The following RFTN1 variants were observed in gnomAD, a reference collection of about 807,000 sequenced individuals.
The protein encoded by RFTN1 is raftlin.
Under a neutral mutation model 46.5 loss-of-function variants are expected in RFTN1, and 26 were observed. That is an observed-to-expected ratio of 0.56 (90% confidence interval 0.41 to 0.78). The LOEUF is 0.78. Ranked by LOEUF, RFTN1 falls within the 30% of genes least tolerant of loss-of-function variation. RFTN1 has a pLI of 0.00. For synonymous variants in RFTN1, 261 were observed against 284.2 expected (o/e 0.92, Z 0.82); for missense variants, 693 against 718.7 (o/e 0.96, Z 0.41).
Position 16,317,260 on chromosome 3 carries a change from T to C in RFTN1, c.1333-28A>G. ...AGAAATCAGAAAGGATGGGGATAAA[T>C]AACAAGCCTCCGGGAACCCAGAGCT... On this transcript the variant is annotated intron_variant, in intron 9 of 9. Transcript: ENST00000334133. This position sits in a 1 kb window ranked among gnomAD's most constrained non-coding sequence, Gnocchi z 4.3. 1 of 1,606,138 alleles carries C rather than the reference T, an allele frequency of 6.2e-7. No individual in the cohort carries two copies. Among genetic ancestry groups the C allele is most frequent in the Non-Finnish European group, 8.5e-7 (1 of 1,179,354 alleles).
At chr3:16,482,382 A>C (rs1454602796) in intron 2 of RFTN1, among the ~76,000 whole-genome samples, 2 of 152,214 alleles carry the variant, frequency 1.3e-5, no homozygotes, top group African/African-American at 2.4e-5. Context: ...CCCACCATCT[A>C]TGATTCACCA....
intron 6 of RFTN1, among the ~76,000 whole-genome samples, chr3:16,369,453 T>C (rs1236105426): frequency 2.0e-5 from 3 of 152,256 alleles, no homozygotes; most frequent in African/African-American, 7.2e-5. Flanking sequence ...TGCCTTCTCG[T>C]TAACCTAAAG....
Position 16,335,553 on chromosome 3 carries a change from A to G in RFTN1, c.1147-8677T>C, listed in dbSNP as rs982425745. 1.3e-5 allele frequency among the ~76,000 whole-genome samples: 2 copies of G among 152,182 alleles called. No homozygotes were observed. The highest frequency in any genetic ancestry group is 4.8e-5 in the African/African-American group (2 of 41,426). On this transcript the variant is annotated intron_variant, in intron 7 of 9. Transcript: ENST00000334133. The surrounding 1 kb of genome is among the most constrained non-coding windows in gnomAD (Gnocchi z 4.7). ...ACATGTTCTCACTTACAAGTGGGAG[A>G]GCTGAACGGTGAAAACACATGTGAA...
rs1185110298 is a variant in RFTN1 at position 16,448,783 on chromosome 3, A to G, written c.146-14746T>C. ...GGCCCCAAACATCCTCCTGAGTCAC[A>G]AGTCTCACCCCATGCGGGGATTACA... On this transcript the variant is annotated intron_variant, in intron 2 of 9. Coordinates refer to ENST00000334133, the MANE Select transcript of RFTN1 (RefSeq NM_015150.2). The surrounding 1 kb of genome is among the most constrained non-coding windows in gnomAD (Gnocchi z 4.1). 1.3e-5 allele frequency among the ~76,000 whole-genome samples: 2 copies of G among 152,124 alleles called. No homozygotes were observed. The highest frequency in any genetic ancestry group is 2.9e-5 in the Non-Finnish European group (2 of 68,024).
rs961876503 is a variant in RFTN1 at position 16,498,738 on chromosome 3, G to A, written c.-8-4861C>T. Among the ~76,000 whole-genome samples the A allele has an allele frequency of 8.5e-5, 13 of 152,234 alleles. No homozygotes were observed. The highest frequency in any genetic ancestry group is 1.2e-4 in the African/African-American group (5 of 41,522). On this transcript the variant is annotated intron_variant, in intron 1 of 9. Transcript: ENST00000334133. This position sits in a 1 kb window ranked among gnomAD's most constrained non-coding sequence, Gnocchi z 5.2. ...CTAGCCTGCTCCCTGCTGCCACACC[G>A]GCATTCCTTTCATTTCGCCCTGGAT... is the stretch of plus-strand genomic sequence containing the variant.
rs942083959 is a variant in RFTN1 at position 16,428,119 on chromosome 3, A to C, written c.332+5732T>G. On this transcript the variant is annotated intron_variant, in intron 3 of 9. Coordinates refer to ENST00000334133, the MANE Select transcript of RFTN1 (RefSeq NM_015150.2). The surrounding 1 kb of genome is among the most constrained non-coding windows in gnomAD (Gnocchi z 4.7). ...GAAATTACATATACATATTTACCTT[A>C]GAAAAATCCAAACAAAAGGGATAAA... Among the ~76,000 whole-genome samples, 1 of 152,256 alleles carries C rather than the reference A, an allele frequency of 6.6e-6. No individual in the cohort carries two copies. Among genetic ancestry groups the C allele is most frequent in the Non-Finnish European group, 1.5e-5 (1 of 68,038 alleles).
At chr3:16,476,462 C>T (rs576162986) in intron 2 of RFTN1, among the ~76,000 whole-genome samples, 1 of 152,178 alleles carries the variant, frequency 6.6e-6, no homozygotes, top group African/African-American at 2.4e-5. Context: ...TTCAGATGAT[C>T]GTAAGTTCCA....
chr3:16,472,148 T>C (rs1559364156), intron 2 of RFTN1: 3 of 151,176 alleles, frequency 2.0e-5, no homozygotes, highest in African/African-American at 7.3e-5. Context: ...CTTGAGGAGT[T>C]AAAGAGGAAA....
At chr3:16,467,458 C>T (rs184507574) in intron 2 of RFTN1, among the ~76,000 whole-genome samples, 13 of 152,354 alleles carry the variant, frequency 8.5e-5, no homozygotes, top group Admixed American at 3.3e-4. Flanking sequence ...CGGCTGCCTC[C>T]GCTGCCCGCC....
chr3:16,420,978 G>A (rs925446843), intron 3 of RFTN1, among the ~76,000 whole-genome samples: 4 of 152,178 alleles, frequency 2.6e-5, no homozygotes, highest in Non-Finnish European at 2.9e-5. Flanking sequence ...GATTCCGACT[G>A]CTTCAGGAAC....
Position 16,446,845 on chromosome 3 carries a change from G to A in RFTN1, c.146-12808C>T, listed in dbSNP as rs985153751. On this transcript the variant is annotated intron_variant, in intron 2 of 9. Coordinates refer to ENST00000334133, the MANE Select transcript of RFTN1 (RefSeq NM_015150.2). This position sits in a 1 kb window ranked among gnomAD's most constrained non-coding sequence, Gnocchi z 4.5. ...CCTGAGTTATTATCATCAAGGTCTC[G>A]ACTCTGTAACAAAATTTCACACTGG... 2.9e-4 allele frequency among the ~76,000 whole-genome samples: 44 copies of A among 152,108 alleles called. No homozygotes were observed. The highest frequency in any genetic ancestry group is 9.9e-4 in the African/African-American group (41 of 41,416).
intron 4 of RFTN1, among the ~76,000 whole-genome samples, chr3:16,379,219 G>A (rs1176453654): frequency 6.6e-6 from 1 of 152,230 alleles, no homozygotes; most frequent in Non-Finnish European, 1.5e-5. Context: ...AGGAGAAGCT[G>A]CCCTGACAGC....
chr3:16,324,602 G>A (rs2069469976), intron 8 of RFTN1, among the ~76,000 whole-genome samples: 1 of 130,434 alleles, frequency 7.7e-6, no homozygotes, highest in Non-Finnish European at 1.6e-5. Flanking sequence ...ATAAATAACA[G>A]AATGTCCCTG....
In RFTN1 at chr3:16,322,454, G is replaced by A. The variant is rs1224863097; in HGVS notation, c.1332+922C>T. ...CGTGAGGAATGCAGGAGTGATGCCA[G>A]GAGTGAGGAGCCGAGCAGGTCAGGC... On this transcript the variant is annotated intron_variant, in intron 9 of 9. Coordinates refer to ENST00000334133, the MANE Select transcript of RFTN1 (RefSeq NM_015150.2). This position sits in a 1 kb window ranked among gnomAD's most constrained non-coding sequence, Gnocchi z 6.2. 1.3e-5 allele frequency among the ~76,000 whole-genome samples: 2 copies of A among 152,240 alleles called. No individual in the cohort carries two copies. Among genetic ancestry groups the A allele is most frequent in the East Asian group, 3.9e-4 (2 of 5,188 alleles).
chr3:16,317,242 A>G lies in RFTN1; in HGVS notation c.1333-10T>C. On this transcript the variant is annotated splice_polypyrimidine_tract_variant and intron_variant, in intron 9 of 9. Transcript: ENST00000334133. The surrounding 1 kb of genome is among the most constrained non-coding windows in gnomAD (Gnocchi z 4.3). ...AGAATCGCCACTGAAACTAGAAATCAGAAAGGATGGGGATAAATAACAAGC... is the reference window on the plus strand; with the variant it reads ...AGAATCGCCACTGAAACTAGAAATCGGAAAGGATGGGGATAAATAACAAGC... The G allele has an allele frequency of 6.2e-7, 1 of 1,610,888 alleles. No individual in the cohort carries two copies. Among genetic ancestry groups the G allele is most frequent in the Non-Finnish European group, 8.5e-7 (1 of 1,179,938 alleles).
In RFTN1 at chr3:16,402,815, C is replaced by T. The variant is rs953415399; in HGVS notation, c.441+6560G>A. Among the ~76,000 whole-genome samples, 18 of 152,170 alleles carry T rather than the reference C, an allele frequency of 1.2e-4. No homozygotes were observed. The highest frequency in any genetic ancestry group is 4.3e-4 in the African/African-American group (18 of 41,420). ...ACTCGGTTTAATCCAGGACAGTACA[C>T]TCATTGAGTGGGACCAGCCGCCCCT... On this transcript the variant is annotated intron_variant, in intron 4 of 9. Coordinates refer to ENST00000334133, the MANE Select transcript of RFTN1 (RefSeq NM_015150.2). The surrounding 1 kb of genome is among the most constrained non-coding windows in gnomAD (Gnocchi z 4.5).
Position 16,385,059 on chromosome 3 carries a change from A to T in RFTN1, c.442-6957T>A, listed in dbSNP as rs1559312739. Reference sequence around the variant, plus strand: ...CCACTGCCCACTCCGGCCCTCCCTCATAACTCACACGCCCCCGATCCGTGA... The same window carrying T: ...CCACTGCCCACTCCGGCCCTCCCTCTTAACTCACACGCCCCCGATCCGTGA... On this transcript the variant is annotated intron_variant, in intron 4 of 9. Transcript: ENST00000334133. The surrounding 1 kb of genome is among the most constrained non-coding windows in gnomAD (Gnocchi z 5.0). 6.6e-6 allele frequency among the ~76,000 whole-genome samples: 1 copy of T among 152,150 alleles called. No individual in the cohort carries two copies. Among genetic ancestry groups the T allele is most frequent in the Non-Finnish European group, 1.5e-5 (1 of 68,012 alleles).
chr3:16,372,594 A>C (rs1413500016), intron 5 of RFTN1, among the ~76,000 whole-genome samples: 2 of 152,222 alleles, frequency 1.3e-5, no homozygotes, highest in African/African-American at 4.8e-5. Flanking sequence ...GAAGTGGCCA[A>C]AGTCCAAAAC....
rs1218735077 is a variant in RFTN1, at chr3:16,473,604, A to G, written c.145+20121T>C. 6.6e-6 allele frequency among the ~76,000 whole-genome samples: 1 copy of G among 151,890 alleles called. No homozygotes were observed. The highest frequency in any genetic ancestry group is 1.5e-5 in the Non-Finnish European group (1 of 67,968). On this transcript the variant is annotated intron_variant, in intron 2 of 9. Coordinates refer to ENST00000334133, the MANE Select transcript of RFTN1 (RefSeq NM_015150.2). This position sits in a 1 kb window ranked among gnomAD's most constrained non-coding sequence, Gnocchi z 5.3. ...TTTTTTTTAGTAGAAACGGAGTTTC[A>G]CCGTGTTGCCCAGGCTGGTCTGGAA... is the stretch of plus-strand genomic sequence containing the variant.
Sources: gnomAD v4.1 joint callset for allele counts (sites outside exome capture counted in the v4.1 genomes callset) on GRCh38, gnomAD v4.1.1 for gene constraint, Gnocchi (gnomAD v3.1) non-coding constraint, MANE v1.5 for transcripts, NCBI Gene and HGNC (gene_info 2026-07-23, HGNC 2026-07-21) for gene names.